TMEM163: variants seen among roughly 807,000 people sequenced by gnomAD.
The protein encoded by TMEM163 is transmembrane protein 163.
A neutral mutation model predicts 29.3 loss-of-function variants in TMEM163; 17 were observed. The observed-to-expected ratio is 0.58, with a 90% CI of 0.40 to 0.87. The LOEUF is 0.87. Ranked by LOEUF, TMEM163 falls within the 40% of genes least tolerant of loss-of-function variation. The pLI is 0.00. For missense variants in TMEM163, 303 were observed against 381.5 expected (o/e 0.79, Z 1.71); for synonymous variants, 157 against 160.6 (o/e 0.98, Z 0.17).
At chr2:134,610,907 A>G (rs1405933518) in intron 2 of TMEM163, among the ~76,000 whole-genome samples, 7 of 152,146 alleles carry the variant, frequency 4.6e-5, no homozygotes, top group African/African-American at 1.7e-4. Context: ...CATTAAATCC[A>G]AAGAGCTTCT....
chr2:134,649,685 G>A (rs756826142), intron 2 of TMEM163, among the ~76,000 whole-genome samples: 7 of 152,022 alleles, frequency 4.6e-5, no homozygotes, highest in Admixed American at 2.6e-4. Context: ...TGTTGGAATC[G>A]GTAAAATAAC....
At chr2:134,710,439 G>C (rs573603215) in intron 2 of TMEM163, among the ~76,000 whole-genome samples, 1 of 152,260 alleles carries the variant, frequency 6.6e-6, no homozygotes, top group East Asian at 1.9e-4. Flanking sequence ...AATGGCAGCT[G>C]AGGAGGTGAA....
rs1012417811 is a variant in TMEM163, at chr2:134,524,501, G to A, written c.459-21504C>T. Among the ~76,000 whole-genome samples the A allele has an allele frequency of 4.8e-4, 72 of 150,084 alleles. 2 individuals are homozygous for A. Among genetic ancestry groups the A allele is most frequent in the African/African-American group, 1.7e-3 (69 of 40,922 alleles). ...TAGGTATTAAGCCCCACATGCATTT[G>A]CTATTTATCCTGATGCCCTCCCCCT... On this transcript the variant is annotated intron_variant, in intron 4 of 7. Coordinates refer to ENST00000281924, the MANE Select transcript of TMEM163 (RefSeq NM_030923.5).
chr2:134,502,033 A>G (rs1679706314), intron 5 of TMEM163, among the ~76,000 whole-genome samples: 1 of 152,184 alleles, frequency 6.6e-6, no homozygotes, highest in Non-Finnish European at 1.5e-5. Flanking sequence ...CATCTTCCCT[A>G]TAAAAACACA....
intron 2 of TMEM163, among the ~76,000 whole-genome samples, chr2:134,667,762 T>C (rs1683899627): frequency 6.6e-6 from 1 of 152,238 alleles, no homozygotes; most frequent in Non-Finnish European, 1.5e-5. Context: ...AGAACACTCA[T>C]TGAGCTGGAG....
chr2:134,460,630 G>C lies in TMEM163; in HGVS notation c.668-2457C>G, dbSNP rs927031870. ...CACCCCTGCCTGGCTCCCGCAGACA[G>C]TCACCCCAGGAGAAGCAAGCCCAAG... On this transcript the variant is annotated intron_variant, in intron 6 of 7. Transcript: ENST00000281924. This position sits in a 1 kb window ranked among gnomAD's most constrained non-coding sequence, Gnocchi z 4.3. 6.6e-6 allele frequency among the ~76,000 whole-genome samples: 1 copy of C among 152,302 alleles called. No individual in the cohort carries two copies. Among genetic ancestry groups the C allele is most frequent in the East Asian group, 1.9e-4 (1 of 5,178 alleles).
intron 2 of TMEM163, among the ~76,000 whole-genome samples, chr2:134,692,047 G>C (rs1192478205): frequency 2.0e-5 from 3 of 152,178 alleles, no homozygotes; most frequent in African/African-American, 7.2e-5. Flanking sequence ...GTCCTCATAA[G>C]AGACAGGTGG....
At chr2:134,554,916 G>C (rs1681017125) in intron 2 of TMEM163, among the ~76,000 whole-genome samples, 1 of 152,166 alleles carries the variant, frequency 6.6e-6, no homozygotes, top group African/African-American at 2.4e-5. Context: ...CCTTCACAGA[G>C]ATGTATCATT....
At chr2:134,633,149 GAGGCACAATCTGGTTAAA>G (rs1313007448) in intron 2 of TMEM163, among the ~76,000 whole-genome samples, 2 of 152,158 alleles carry the variant, frequency 1.3e-5, no homozygotes, top group Non-Finnish European at 2.9e-5. Context: ...GAAGGTTTCT[GAGGCACAATCTGGTTAAA>G]AGGAGAGAGT....
At chr2:134,689,709 A>C (rs1286692818) in intron 2 of TMEM163, among the ~76,000 whole-genome samples, 1 of 152,346 alleles carries the variant, frequency 6.6e-6, no homozygotes, top group East Asian at 1.9e-4. Flanking sequence ...AGGAAAAGAT[A>C]CAGTTAGAAA....
intron 4 of TMEM163, among the ~76,000 whole-genome samples, chr2:134,514,241 C>A (rs1174432752): frequency 6.6e-6 from 1 of 152,154 alleles, no homozygotes; most frequent in East Asian, 1.9e-4. Context: ...CCAGGTTGGT[C>A]ATGTACTATG....
At position 134,456,796 on chromosome 2, in the gene TMEM163, C is replaced by G. The variant is rs1686407550; in HGVS notation, c.810-20G>C. ...AGGAGTCTGCAAAGACGAAGACAGA[C>G]AAGGTCACCTCCATGGCATGGGGCT... is the stretch of plus-strand genomic sequence containing the variant. On this transcript the variant is annotated intron_variant, in intron 7 of 7. Transcript: ENST00000281924. 1.2e-6 allele frequency: 2 copies of G among 1,612,328 alleles called. No homozygotes were observed. The highest frequency in any genetic ancestry group is 2.7e-5 in the African/African-American group (2 of 74,830).
chr2:134,510,620 G>A (rs1183465575), intron 4 of TMEM163, among the ~76,000 whole-genome samples: 1 of 152,160 alleles, frequency 6.6e-6, no homozygotes, highest in Non-Finnish European at 1.5e-5. Flanking sequence ...CTGGACACAG[G>A]CAGAGGAGGA....
intron 4 of TMEM163, among the ~76,000 whole-genome samples, chr2:134,539,693 T>A (rs1251027940): frequency 6.6e-6 from 1 of 152,210 alleles, no homozygotes; most frequent in Admixed American, 6.5e-5. Context: ...GCAGGACCTA[T>A]GCAAAATCAA....
intron 6 of TMEM163, chr2:134,458,838 GT>G (rs1270796441): frequency 1.3e-5 from 2 of 152,180 alleles, no homozygotes; most frequent in Admixed American, 6.5e-5. Context: ...ATTATGCTAA[GT>G]TTTTTGCAAA....
intron 5 of TMEM163, among the ~76,000 whole-genome samples, chr2:134,472,062 A>C (rs1686815871): frequency 6.6e-6 from 1 of 152,242 alleles, no homozygotes; most frequent in Admixed American, 6.5e-5. Context: ...AAAAAGGTTT[A>C]AGGAAATTAG....
chr2:134,560,066 A>C (rs995837023), intron 2 of TMEM163, among the ~76,000 whole-genome samples: 4 of 152,066 alleles, frequency 2.6e-5, no homozygotes, highest in African/African-American at 9.7e-5. Flanking sequence ...ATTCTGCCAG[A>C]AACAAGCTTA....
intron 4 of TMEM163, among the ~76,000 whole-genome samples, chr2:134,515,262 G>A (rs761369752): frequency 4.9e-4 from 74 of 152,196 alleles, no homozygotes; most frequent in Non-Finnish European, 8.8e-4. Flanking sequence ...AGACAAGAAT[G>A]GAAGCCCCCC....
intron 4 of TMEM163, among the ~76,000 whole-genome samples, chr2:134,535,552 CT>C (rs1680517248): frequency 6.6e-6 from 1 of 152,110 alleles, no homozygotes; most frequent in South Asian, 2.1e-4. Context: ...ATGGGAATTA[CT>C]GATCAAAGGG....
Sources: allele counts gnomAD v4.1 joint callset (sites outside exome capture counted in the v4.1 genomes callset), GRCh38; gene constraint gnomAD v4.1.1; non-coding constraint Gnocchi (gnomAD v3.1); transcripts MANE v1.5; gene names NCBI Gene and HGNC (gene_info 2026-07-23, HGNC 2026-07-21).